The following WNK2 variants were observed in gnomAD, a reference collection of about 807,000 sequenced individuals.
The protein encoded by WNK2 is serine/threonine-protein kinase WNK2.
In WNK2, 67 loss-of-function variants were observed where a neutral mutation model predicts 192.1. That is an observed-to-expected ratio of 0.35 (90% CI 0.29 to 0.43). The LOEUF (loss-of-function observed/expected upper bound fraction) is 0.43, where lower values mean the gene tolerates loss of function less well. Among genes scored for constraint, WNK2 ranks in the 20% least tolerant of loss-of-function variants. WNK2 has a pLI of 1.00. For synonymous variants in WNK2, 1,439 were observed against 1,393.9 expected (o/e 1.03, Z -0.72); for missense variants, 2,698 against 3,089.7 (o/e 0.87, Z 3.01).
Position 93,267,873 on chromosome 9 carries a change from C to G in WNK2, c.3824C>G (p.Thr1275Ser). 1 of 1,610,144 alleles carries G rather than the reference C, an allele frequency of 6.2e-7. No individual in the cohort carries two copies. Among genetic ancestry groups the G allele is most frequent in the Non-Finnish European group, 8.5e-7 (1 of 1,178,560 alleles). Reference protein sequence around the residue: ...TDADRGSDPGTSPPHLSTCGL... With the variant: ...TDADRGSDPGSSPPHLSTCGL... ...GCCGACCGTGGCTCCGACCCAGGGA[C>G]CAGCCCGCCACACCTCAGCACCTGC... Residue 1275 changes from threonine (T) to serine (S), a missense_variant, in exon 17 of 30, where the codon ACC becomes AGC. Thr to Ser is a moderately conservative substitution (Grantham distance 58). This residue lies in a region of WNK2 where 1,098 missense variants were observed against 1,101.0 expected (regional missense o/e 1.00). Coordinates refer to ENST00000427277, the MANE Select transcript of WNK2 (RefSeq NM_006648.4).
At chr9:93,251,685 A>G (rs909089405) in intron 8 of WNK2, among the ~76,000 whole-genome samples, 4 of 152,208 alleles carry the variant, frequency 2.6e-5, no homozygotes, top group Non-Finnish European at 5.9e-5. Context: ...ACTCCAGTCC[A>G]GATGACAGTG....
chr9:93,184,548 CT>C (rs1446869506), intron 1 of WNK2, among the ~76,000 whole-genome samples, 163 bp downstream of exon 1: 3 of 152,192 alleles, frequency 2.0e-5, no homozygotes, highest in Admixed American at 6.5e-5. Context: ...TCCCTATCCC[CT>C]TTACAGCTGC....
At chr9:93,317,721 C>A in intron 29 of WNK2, 90 bp downstream of exon 29, 1 of 1,519,014 alleles carries the variant, frequency 6.6e-7, no homozygotes, top group Non-Finnish European at 8.9e-7. Flanking sequence ...GTCCTGGGGG[C>A]CCTGGGCAGG....
intron 2 of WNK2, among the ~76,000 whole-genome samples, chr9:93,221,936 A>G (rs566335338): frequency 9.2e-5 from 14 of 152,330 alleles, no homozygotes; most frequent in African/African-American, 3.4e-4. Flanking sequence ...TTCAAAGAAC[A>G]TTTTTAAAAA....
intron 4 of WNK2, 26 bp downstream of exon 4, chr9:93,231,134 C>G: frequency 6.2e-7 from 1 of 1,606,226 alleles, no homozygotes. Flanking sequence ...CTCCCCAGGC[C>G]CTTGGAGCCC....
intron 7 of WNK2, among the ~76,000 whole-genome samples, chr9:93,246,957 T>C (rs749687632): frequency 6.6e-6 from 1 of 152,236 alleles, no homozygotes; most frequent in Non-Finnish European, 1.5e-5. Context: ...CTTGGCGAGC[T>C]CATGATGTTT....
At chr9:93,307,022 G>C in intron 27 of WNK2, 3 of 641,798 alleles carry the variant, frequency 4.7e-6, no homozygotes, top group Non-Finnish European at 8.3e-6. Context: ...TGTGTCTCGT[G>C]GCGCCTAGAG....
rs2132756185 is a variant in WNK2, at chr9:93,256,413, A to G, written c.2149A>G (p.Met717Val). 1 of 1,541,510 alleles carries G rather than the reference A, an allele frequency of 6.5e-7. No homozygotes were observed. Among genetic ancestry groups the G allele is most frequent in the Non-Finnish European group, 8.7e-7 (1 of 1,149,320 alleles). ...CGTGCTGCCGCCGCCCAGCACCCCC[A>G]TGCCCACGGGCCCAGGCCAGCCAGC... The part of the protein sequence containing the change: ...APVLPPPSTP[M>V]PTGPGQPAPP... The change falls in exon 10 of 30, where the codon ATG becomes GTG. Residue 717 changes from methionine to valine, a missense_variant. Coordinates refer to ENST00000427277, the MANE Select transcript of WNK2 (RefSeq NM_006648.4).
chr9:93,263,747 GGC>G lies in WNK2; in HGVS notation c.3579+15_3579+16del. On this transcript the variant is annotated intron_variant, in intron 15 of 29. Transcript: ENST00000427277. ...TACCATCTTGAACGTGAGTGGGCGG[GGC>G]GTGGCGGGGGTGTGGTGGGGGTGGG... The G allele has an allele frequency of 6.9e-7, 1 of 1,451,574 alleles. No homozygotes were observed. 89.9% of individuals were successfully genotyped at this position (1,451,574 alleles called of 1,614,324 possible).
Position 93,297,994 on chromosome 9 carries a change from C to T in WNK2, c.5850C>T (p.Ser1950=). Reference sequence around the variant, plus strand: ...CCACTGGCCGCCGGAGAAAAACCAGCAAGAGCAAGCTGAAGGCAGGCAAGC... The same window carrying T: ...CCACTGGCCGCCGGAGAAAAACCAGTAAGAGCAAGCTGAAGGCAGGCAAGC... ...APPTGRRRKT[S]KSKLKAGKLL... Residue 1950 remains serine, a synonymous_variant, in exon 24 of 30, where the codon AGC becomes AGT. Coordinates refer to ENST00000427277, the MANE Select transcript of WNK2 (RefSeq NM_006648.4). 1 of 1,561,150 alleles carries T rather than the reference C, an allele frequency of 6.4e-7. No homozygotes were observed. The highest frequency in any genetic ancestry group is 8.7e-7 in the Non-Finnish European group (1 of 1,153,566).
At chr9:93,208,956 T>C (rs1375825705) in intron 2 of WNK2, among the ~76,000 whole-genome samples, 2 of 152,180 alleles carry the variant, frequency 1.3e-5, no homozygotes, top group East Asian at 3.9e-4. Context: ...GATGGTGCCT[T>C]GGTGACCACA....
At chr9:93,277,034 C>CAAAA (rs1165251343) in intron 19 of WNK2, among the ~76,000 whole-genome samples, 7 of 116,822 alleles carry the variant, frequency 6.0e-5, no homozygotes, top group Non-Finnish European at 1.3e-4. Context: ...GACTCCGTCT[C>CAAAA]AAAAAAAAAA....
At chr9:93,243,602 C>T (rs975276342) in intron 7 of WNK2, among the ~76,000 whole-genome samples, 5 of 152,238 alleles carry the variant, frequency 3.3e-5, no homozygotes, top group African/African-American at 1.2e-4. Flanking sequence ...CTGCTAAGAA[C>T]AGGGAAGGCA....
chr9:93,289,508 T>A lies in WNK2; in HGVS notation c.4754T>A (p.Leu1585Gln). ...GAGGTGGGCGACAGAGACTTCACCC[T>A]GGAGCCCCTGAGAGGGGACCAGCCC... is the stretch of plus-strand genomic sequence containing the variant. ...PVEVGDRDFTLEPLRGDQPRS... is the reference protein window; with the variant it reads ...PVEVGDRDFTQEPLRGDQPRS... Residue 1585 changes from leucine to glutamine, a missense_variant, in exon 20 of 30, where the codon CTG (leucine) becomes CAG (glutamine). Transcript: ENST00000427277. The A allele has an allele frequency of 6.2e-7, 1 of 1,604,802 alleles. No individual in the cohort carries two copies. The highest frequency in any genetic ancestry group is 8.5e-7 in the Non-Finnish European group (1 of 1,174,148).
At chr9:93,248,031 C>CTGTA (rs1424206010) in intron 8 of WNK2, among the ~76,000 whole-genome samples, 197 bp downstream of exon 8, 1 of 152,244 alleles carries the variant, frequency 6.6e-6, no homozygotes, top group Non-Finnish European at 1.5e-5. Context: ...ATTGCTTTAG[C>CTGTA]TGTAGGTAGT....
chr9:93,308,574 A>G lies in WNK2; in HGVS notation c.6506A>G (p.Glu2169Gly). 1.1e-6 allele frequency: 1 copy of G among 904,844 alleles called. No individual in the cohort carries two copies. The highest frequency in any genetic ancestry group is 1.4e-5 in the South Asian group (1 of 74,022). 56.1% of individuals were successfully genotyped at this position (904,844 alleles called of 1,614,324 possible). The change falls in exon 28 of 30, where the codon GAG becomes GGG. Residue 2169 changes from glutamate to glycine, a missense_variant. Transcript: ENST00000427277. ...CAGGCAGGCTGGGCTGCCCCTGGCG[A>G]GGCGCGGGCTGTGAGTGCGGGGCGG... ...EAQAGWAAPG[E>G]ARAMTAPRAG... is the part of the protein sequence containing the mutation.
intron 19 of WNK2, among the ~76,000 whole-genome samples, chr9:93,283,040 A>G (rs920104342): frequency 1.3e-5 from 2 of 152,244 alleles, no homozygotes; most frequent in African/African-American, 4.8e-5. Flanking sequence ...GCATTTATAA[A>G]TATCTCATTC....
At chr9:93,263,076 A>G (rs919395243) in intron 14 of WNK2, among the ~76,000 whole-genome samples, 1 of 152,162 alleles carries the variant, frequency 6.6e-6, no homozygotes, top group African/African-American at 2.4e-5. Context: ...TCCAGCCCCG[A>G]TCCTGGGTTT....
chr9:93,252,213 T>A (rs1055976340), intron 8 of WNK2, among the ~76,000 whole-genome samples: 1 of 152,122 alleles, frequency 6.6e-6, no homozygotes, highest in Non-Finnish European at 1.5e-5. Context: ...GGCTCTGGGG[T>A]CCTGTCTGTG....
Sources: gnomAD v4.1 joint callset for allele counts (sites outside exome capture counted in the v4.1 genomes callset) on GRCh38, gnomAD v4.1.1 for gene constraint, gnomAD v4.1.1 regional missense constraint, MANE v1.5 for transcripts, NCBI Gene and HGNC (gene_info 2026-07-23, HGNC 2026-07-21) for gene names.